Variants in PAPPA observed in about 807,000 individuals in gnomAD.
The protein encoded by PAPPA is pappalysin-1.
A neutral mutation model predicts 164.0 loss-of-function variants in PAPPA; 60 were observed. The ratio of observed to expected loss-of-function variants is 0.37; its 90% confidence interval spans 0.30 to 0.45. The LOEUF is 0.45. Ranked by LOEUF, PAPPA falls within the 20% of genes least tolerant of loss-of-function variation. The pLI, the probability that PAPPA is intolerant of heterozygous loss-of-function variation, is 1.00. For synonymous variants in PAPPA, 875 were observed against 814.1 expected, an observed-to-expected ratio of 1.07 and a Z score of -1.27; for missense variants, 1,782 against 2,087.3, an observed-to-expected ratio of 0.85 and a Z score of 2.85.
intron 7 of PAPPA, among the ~76,000 whole-genome samples, chr9:116,262,157 G>A (rs1290966913): frequency 3.3e-5 from 5 of 150,946 alleles, no homozygotes; most frequent in Non-Finnish European, 7.4e-5. Flanking sequence ...TGAGGCTACA[G>A]TGAGAGCTGT....
intron 6 of PAPPA, among the ~76,000 whole-genome samples, chr9:116,230,226 C>T (rs953402159): frequency 6.6e-6 from 1 of 152,162 alleles, no homozygotes; most frequent in Non-Finnish European, 1.5e-5. Context: ...ATCCTTTTGG[C>T]TCAGACCCTT....
At chr9:116,159,377 G>A (rs952468419) in intron 1 of PAPPA, among the ~76,000 whole-genome samples, 3 of 152,186 alleles carry the variant, frequency 2.0e-5, no homozygotes, top group Non-Finnish European at 4.4e-5. Flanking sequence ...AAAAAGTGGG[G>A]CCTGTTTGTA....
chr9:116,248,225 G>A (rs1445408475), intron 7 of PAPPA, among the ~76,000 whole-genome samples: 1 of 152,172 alleles, frequency 6.6e-6, no homozygotes, highest in Non-Finnish European at 1.5e-5. Context: ...TTTAACCTTT[G>A]TAACTGAGCT....
At chr9:116,276,980 A>G (rs1358343697) in intron 9 of PAPPA, among the ~76,000 whole-genome samples, 3 of 152,044 alleles carry the variant, frequency 2.0e-5, no homozygotes, top group East Asian at 3.9e-4. Context: ...CAAGGCGAGA[A>G]AGGAAAACAA....
chr9:116,372,783 C>T (rs1846592123), intron 19 of PAPPA, among the ~76,000 whole-genome samples: 1 of 152,162 alleles, frequency 6.6e-6, no homozygotes, highest in Non-Finnish European at 1.5e-5. Context: ...CATTTATTGA[C>T]TATCTCTAAT....
rs762500545 is a variant in PAPPA, at chr9:116,211,912, A to G, written c.1898A>G (p.Asn633Ser). 3 of 1,613,848 alleles carry G rather than the reference A, an allele frequency of 1.9e-6. No individual in the cohort carries two copies. The highest frequency in any genetic ancestry group is 2.7e-5 in the African/African-American group (2 of 74,878). Residue 633 changes from asparagine to serine, a missense_variant, in exon 4 of 22, where the codon AAC becomes AGC. By Grantham distance (46) the Asn-to-Ser change is conservative. Around this residue, in one of 2 missense-constraint regions of PAPPA, gnomAD observed 1,324 missense variants for 1,656.9 expected, o/e 0.80. Coordinates refer to ENST00000328252, the MANE Select transcript of PAPPA (RefSeq NM_002581.5). Reference protein sequence around the residue: ...GFHSFFNTPYNNFMSYADDDC... With the variant: ...GFHSFFNTPYSNFMSYADDDC... Reference sequence around the variant, plus strand: ...CATAGCTTCTTCAACACTCCTTACAACAACTTCATGAGCTATGCAGGTAGG... The same window carrying G: ...CATAGCTTCTTCAACACTCCTTACAGCAACTTCATGAGCTATGCAGGTAGG...
intron 9 of PAPPA, among the ~76,000 whole-genome samples, chr9:116,281,934 A>T (rs1845273306): frequency 1.3e-5 from 2 of 152,178 alleles, no homozygotes; most frequent in Admixed American, 1.3e-4. Flanking sequence ...GCTCAAGAAG[A>T]TGAAATGGCT....
chr9:116,191,155 A>C (rs964383257), intron 2 of PAPPA, among the ~76,000 whole-genome samples: 41 of 152,198 alleles, frequency 2.7e-4, no homozygotes, highest in African/African-American at 9.9e-4. Context: ...GAATTATTCT[A>C]TATGGTTTCT....
intron 17 of PAPPA, among the ~76,000 whole-genome samples, chr9:116,356,422 C>T (rs1846354580): frequency 6.6e-6 from 1 of 152,230 alleles, no homozygotes; most frequent in Non-Finnish European, 1.5e-5. Flanking sequence ...GGGGAATACA[C>T]AAATGAACTA....
chr9:116,213,558 T>G (rs918733252), intron 4 of PAPPA, among the ~76,000 whole-genome samples: 2 of 152,150 alleles, frequency 1.3e-5, no homozygotes, highest in African/African-American at 4.8e-5. Flanking sequence ...GCACCTTTTC[T>G]TGGCCAGCTC....
At chr9:116,273,067 C>A (rs1845155642) in intron 9 of PAPPA, among the ~76,000 whole-genome samples, 1 of 152,118 alleles carries the variant, frequency 6.6e-6, no homozygotes, top group Non-Finnish European at 1.5e-5. Context: ...CAACACTAGT[C>A]CCAGACCATG....
intron 2 of PAPPA, among the ~76,000 whole-genome samples, chr9:116,195,003 G>A (rs1331143): frequency 0.034 from 5,156 of 152,120 alleles, 309 homozygotes; most frequent in African/African-American, 0.12. Context: ...TTGCACACTG[G>A]CTTACTTTTA....
intron 9 of PAPPA, among the ~76,000 whole-genome samples, chr9:116,282,332 C>G (rs1001014030): frequency 2.6e-5 from 4 of 152,118 alleles, no homozygotes; most frequent in Non-Finnish European, 4.4e-5. Flanking sequence ...ATGTTTAGTA[C>G]AGATAGAATT....
At chr9:116,201,125 A>T (rs1844167000) in intron 2 of PAPPA, among the ~76,000 whole-genome samples, 1 of 152,182 alleles carries the variant, frequency 6.6e-6, no homozygotes, top group Non-Finnish European at 1.5e-5. Context: ...AGGAGGATCA[A>T]GTCCAGATTG....
chr9:116,191,661 T>C (rs1272340280), intron 2 of PAPPA, among the ~76,000 whole-genome samples: 1 of 152,138 alleles, frequency 6.6e-6, no homozygotes, highest in Non-Finnish European at 1.5e-5. Flanking sequence ...CAGAGATTTA[T>C]TTGACTAGGA....
chr9:116,300,987 G>A (rs979055619), intron 9 of PAPPA, among the ~76,000 whole-genome samples: 39 of 152,164 alleles, frequency 2.6e-4, no homozygotes, highest in African/African-American at 8.9e-4. Flanking sequence ...CTGGGGACAG[G>A]GGGAAGAGGC....
intron 17 of PAPPA, among the ~76,000 whole-genome samples, chr9:116,357,099 T>C (rs372219496): frequency 6.6e-6 from 1 of 152,210 alleles, no homozygotes; most frequent in Non-Finnish European, 1.5e-5. Context: ...AGTCCTCTAG[T>C]TCCTGTAGAC....
intron 21 of PAPPA, among the ~76,000 whole-genome samples, chr9:116,382,964 CAG>C (rs1179907000): frequency 6.6e-6 from 1 of 152,126 alleles, no homozygotes; most frequent in Non-Finnish European, 1.5e-5. Context: ...GTCTAGGAAA[CAG>C]AAAATAGTAC....
At chr9:116,309,640 G>A (rs560790455) in intron 10 of PAPPA, among the ~76,000 whole-genome samples, 13 of 152,148 alleles carry the variant, frequency 8.5e-5, no homozygotes, top group Middle Eastern at 3.4e-3. Flanking sequence ...GAGGGAGGAC[G>A]GGAGAGGGAG....
Sources: allele counts gnomAD v4.1 joint callset (sites outside exome capture counted in the v4.1 genomes callset), GRCh38; gene constraint gnomAD v4.1.1; regional missense constraint gnomAD v4.1.1; transcripts MANE v1.5; gene names NCBI Gene and HGNC (gene_info 2026-07-23, HGNC 2026-07-21).